PTPRT: variants seen among roughly 807,000 people sequenced by gnomAD.
PTPRT encodes protein tyrosine phosphatase receptor type T.
A neutral mutation model predicts 176.8 loss-of-function variants in PTPRT; 56 were observed. The ratio of observed to expected loss-of-function variants is 0.32; its 90% CI spans 0.26 to 0.40. The LOEUF is 0.40. Ranked by LOEUF, PTPRT falls within the 10% of genes least tolerant of loss-of-function variation. The pLI is 1.00. For missense variants in PTPRT, 1,540 were observed against 1,908.2 expected (o/e 0.81, Z 3.60); for synonymous variants, 783 against 739.0 (o/e 1.06, Z -0.96).
chr20:42,094,829 T>C (rs1191276536), intron 27 of PTPRT, among the ~76,000 whole-genome samples: 1 of 151,796 alleles, frequency 6.6e-6, no homozygotes, highest in Non-Finnish European at 1.5e-5. Context: ...GGCGGCAGAG[T>C]TGAGATCGCG....
chr20:42,662,687 A>C (rs1313908973), intron 7 of PTPRT, among the ~76,000 whole-genome samples: 1 of 152,122 alleles, frequency 6.6e-6, no homozygotes, highest in African/African-American at 2.4e-5. Flanking sequence ...TCTAGCATTA[A>C]AACTCTGATG....
Position 42,074,354 on chromosome 20 carries a change from T to G in PTPRT, c.*6525A>C, listed in dbSNP as rs570486471. ...TGTAATTTTGGTGGTTTACTTCCTA[T>G]GACCCTTTCTCCTCCACATCCAAGA... On this transcript the variant is annotated 3_prime_UTR_variant, in exon 31 of 31. Transcript: ENST00000373187. 96 of 236,346 alleles carry G rather than the reference T, an allele frequency of 4.1e-4. No homozygotes were observed. The highest frequency in any genetic ancestry group is 1.9e-3 in the African/African-American group (87 of 45,584). The allele number at this position is 236,346 out of a possible 1,614,324, so 14.6% of individuals were successfully genotyped here.
At chr20:42,842,382 A>G (rs927790705) in intron 2 of PTPRT, among the ~76,000 whole-genome samples, 6 of 152,180 alleles carry the variant, frequency 3.9e-5, no homozygotes, top group African/African-American at 1.4e-4. Context: ...TTCACTTCAG[A>G]CTGCTATAAC....
intron 1 of PTPRT, among the ~76,000 whole-genome samples, chr20:43,047,489 C>T (rs1341003038): frequency 6.6e-6 from 1 of 152,046 alleles, no homozygotes; most frequent in Non-Finnish European, 1.5e-5. Context: ...GTCTGAGAGA[C>T]ATTCACTCTT....
intron 7 of PTPRT, among the ~76,000 whole-genome samples, chr20:42,636,789 A>ATAAT (rs962290760): frequency 2.6e-5 from 4 of 152,098 alleles, no homozygotes; most frequent in Admixed American, 1.3e-4. Flanking sequence ...CAACTCAAAA[A>ATAAT]TAATTAATTA....
Position 42,646,436 on chromosome 20 carries a change from G to A in PTPRT, c.1153+31430C>T, listed in dbSNP as rs1023123621. ...AAGTTGAGTTATTGCAACAGAGGTC[G>A]TCTGGGCCACAAGATCTAAAGTATT... On this transcript the variant is annotated intron_variant, in intron 7 of 30. Transcript: ENST00000373187. 5.9e-5 allele frequency among the ~76,000 whole-genome samples: 9 copies of A among 152,040 alleles called. 1 individual carries two copies. The highest frequency in any genetic ancestry group is 1.7e-4 in the African/African-American group (7 of 41,362).
rs1429323043 is a variant in PTPRT at position 42,076,999 on chromosome 20, T to G, written c.*3880A>C. The G allele has an allele frequency of 1.6e-5, 3 of 190,452 alleles. No individual in the cohort carries two copies. Among genetic ancestry groups the G allele is most frequent in the Non-Finnish European group, 2.2e-5 (2 of 90,854 alleles). The allele number at this position is 190,452 out of a possible 1,614,324, so 11.8% of individuals were successfully genotyped here. A position where few individuals can be genotyped will look rare whatever the true frequency, so the allele number is the denominator to read the frequency against. The stretch of plus-strand genomic sequence containing the variant: ...AGTGAGAAAAAACCGGTTTAAATCC[T>G]GGTTCATTCACTCACTAGCTGTGGA... On this transcript the variant is annotated 3_prime_UTR_variant, in exon 31 of 31. Coordinates refer to ENST00000373187, the MANE Select transcript of PTPRT (RefSeq NM_007050.6).
intron 12 of PTPRT, among the ~76,000 whole-genome samples, chr20:42,306,119 C>T (rs368899788): frequency 1.3e-5 from 2 of 152,156 alleles, no homozygotes; most frequent in South Asian, 4.1e-4. Flanking sequence ...GGAAAATGTT[C>T]CTGCTCCCTC....
rs368246017 is a variant in PTPRT at position 42,726,978 on chromosome 20, T to A, written c.859+29484A>T. On this transcript the variant is annotated intron_variant, in intron 6 of 30. Transcript: ENST00000373187. ...ATTAGGCAAAGAAGCAGACATGCTA[T>A]GAATAAATGTCAGTGCCCCTCACAA... is the stretch of plus-strand genomic sequence containing the variant. Among the ~76,000 whole-genome samples the A allele has an allele frequency of 1.4e-4, 22 of 152,338 alleles. No homozygotes were observed. In the South Asian group the frequency reaches 4.1e-3, roughly 29 times the overall value.
intron 13 of PTPRT, among the ~76,000 whole-genome samples, chr20:42,269,195 T>G (rs996489234): frequency 6.6e-6 from 1 of 152,220 alleles, no homozygotes; most frequent in Admixed American, 6.5e-5. Flanking sequence ...CTGCAATGAA[T>G]AATTTGCACA....
At chr20:42,347,208 T>A (rs1051008666) in intron 11 of PTPRT, among the ~76,000 whole-genome samples, 1 of 152,162 alleles carries the variant, frequency 6.6e-6, no homozygotes, top group Non-Finnish European at 1.5e-5. Context: ...GATAATACAA[T>A]GGAAGTAAAG....
At chr20:42,478,752 C>A (rs2145319752) in intron 7 of PTPRT, among the ~76,000 whole-genome samples, 1 of 152,158 alleles carries the variant, frequency 6.6e-6, no homozygotes, top group Middle Eastern at 3.4e-3. Flanking sequence ...CCTTAACCTG[C>A]TATCATATGT....
intron 7 of PTPRT, among the ~76,000 whole-genome samples, chr20:42,562,996 T>C (rs2072977929): frequency 6.6e-6 from 1 of 152,202 alleles, no homozygotes; most frequent in African/African-American, 2.4e-5. Context: ...TCTTTTCATA[T>C]TCTTGCTTTG....
rs76983191 is a variant in PTPRT at position 42,530,599 on chromosome 20, C to T, written c.1154-58037G>A. On this transcript the variant is annotated intron_variant, in intron 7 of 30. Coordinates refer to ENST00000373187, the MANE Select transcript of PTPRT (RefSeq NM_007050.6). ...ATCCATGTGGGAAAAGGAAATTCAA[C>T]CTCTGAGTACCACGTTTTCTTGTTC... Among the ~76,000 whole-genome samples the T allele has an allele frequency of 4.6e-5, 7 of 152,306 alleles. No individual in the cohort carries two copies. In the East Asian group the frequency reaches 1.4e-3, roughly 29 times the overall value.
intron 16 of PTPRT, among the ~76,000 whole-genome samples, chr20:42,193,922 G>T (rs2146651447): frequency 6.6e-6 from 1 of 152,178 alleles, no homozygotes; most frequent in Non-Finnish European, 1.5e-5. Flanking sequence ...ATTCTTTGCA[G>T]AATGAGATGG....
chr20:42,555,877 C>T (rs555370530), intron 7 of PTPRT, among the ~76,000 whole-genome samples: 4 of 152,140 alleles, frequency 2.6e-5, no homozygotes, highest in Non-Finnish European at 5.9e-5. Context: ...TCCAGCAAGC[C>T]CACACCTAGG....
intron 5 of PTPRT, among the ~76,000 whole-genome samples, chr20:42,766,068 T>C (rs2076978598): frequency 6.6e-6 from 1 of 152,248 alleles, no homozygotes; most frequent in Non-Finnish European, 1.5e-5. Context: ...ACATTTATAT[T>C]TGCTCTGTGC....
intron 5 of PTPRT, among the ~76,000 whole-genome samples, chr20:42,764,461 G>T (rs2076956199): frequency 6.6e-6 from 1 of 152,140 alleles, no homozygotes; most frequent in Non-Finnish European, 1.5e-5. Flanking sequence ...AATAAATTTA[G>T]AAGTGTATAA....
chr20:42,401,164 T>TAAATAAATAAATAAAC (rs1555842209), intron 9 of PTPRT, among the ~76,000 whole-genome samples: 2 of 143,212 alleles, frequency 1.4e-5, no homozygotes, highest in African/African-American at 5.3e-5. Context: ...AATAAATAAA[T>TAAATAAATAAATAAAC]AAACAAACCT....
Sources: allele counts gnomAD v4.1 joint callset (sites outside exome capture counted in the v4.1 genomes callset), GRCh38; gene constraint gnomAD v4.1.1; transcripts MANE v1.5; gene names NCBI Gene and HGNC (gene_info 2026-07-23, HGNC 2026-07-21).